The following SLC8A1 variants were observed in gnomAD, a reference collection of about 807,000 sequenced individuals.
The protein encoded by SLC8A1 is solute carrier family 8 member A1.
A neutral mutation model predicts 68.3 loss-of-function variants in SLC8A1; 18 were observed. That is an observed-to-expected ratio of 0.26 (90% CI 0.18 to 0.39). The LOEUF (loss-of-function observed/expected upper bound fraction) is 0.39, where lower values mean the gene tolerates loss of function less well. SLC8A1 is among the 10% of genes least tolerant of loss of function. The pLI is 1.00. For synonymous variants in SLC8A1, 475 were observed against 415.5 expected (o/e 1.14, Z -1.74); for missense variants, 985 against 1,156.7 (o/e 0.85, Z 2.15).
At chr2:40,501,336 T>G (rs969761953) in intron 1 of SLC8A1, among the ~76,000 whole-genome samples, 4 of 152,118 alleles carry the variant, frequency 2.6e-5, no homozygotes, top group African/African-American at 9.7e-5. Flanking sequence ...ATTTATGTAC[T>G]CTTTGTAAAA....
At chr2:40,457,567 A>G (rs1703096160) in intron 1 of SLC8A1, among the ~76,000 whole-genome samples, 1 of 152,178 alleles carries the variant, frequency 6.6e-6, no homozygotes, top group South Asian at 2.1e-4. Context: ...TGATTCTGCT[A>G]CTACTGGAAG....
chr2:40,495,331 C>T (rs949567213), intron 1 of SLC8A1, among the ~76,000 whole-genome samples: 5 of 151,982 alleles, frequency 3.3e-5, no homozygotes, highest in Non-Finnish European at 4.4e-5. Flanking sequence ...TTATTAATCT[C>T]TCTATGCCTG....
chr2:40,405,862 G>T (rs1430458411), intron 2 of SLC8A1, among the ~76,000 whole-genome samples: 3 of 152,110 alleles, frequency 2.0e-5, no homozygotes, highest in Non-Finnish European at 4.4e-5. Context: ...CTGAAATCAG[G>T]TTAGTAACTA....
chr2:40,308,750 C>T (rs182177790), intron 2 of SLC8A1, among the ~76,000 whole-genome samples: 188 of 152,188 alleles, frequency 1.2e-3, no homozygotes, highest in African/African-American at 4.3e-3. Flanking sequence ...GTCAGGTAGA[C>T]GCCATGGAGA....
chr2:40,109,070 C>T (rs12619775), exon 8 of SLC8A1: 69,804 of 152,012 alleles, frequency 0.46, 17,622 homozygotes, highest in Middle Eastern at 0.67. Flanking sequence ...TTTAACTAGG[C>T]GTATCTGTCT....
intron 2 of SLC8A1, among the ~76,000 whole-genome samples, chr2:40,289,108 TTCAG>T (rs994723883): frequency 6.6e-6 from 1 of 152,038 alleles, no homozygotes; most frequent in African/African-American, 2.4e-5. Flanking sequence ...TCTTTTTTTT[TTCAG>T]TCAAATGTAT....
At chr2:40,153,859 G>A (rs1444743043) in intron 6 of SLC8A1, among the ~76,000 whole-genome samples, 1 of 152,160 alleles carries the variant, frequency 6.6e-6, no homozygotes, top group African/African-American at 2.4e-5. Context: ...TATTCTTCCT[G>A]GTCCTTCTGC....
At chr2:40,439,663 G>C (rs1224900011) in intron 1 of SLC8A1, among the ~76,000 whole-genome samples, 2 of 152,054 alleles carry the variant, frequency 1.3e-5, no homozygotes, top group Non-Finnish European at 2.9e-5. Context: ...CTTTTTCAGT[G>C]AGTCATTAAG....
intron 2 of SLC8A1, among the ~76,000 whole-genome samples, chr2:40,370,873 C>A (rs78638635): frequency 0.025 from 3,755 of 152,140 alleles, 60 homozygotes; most frequent in Non-Finnish European, 0.037. Flanking sequence ...ACTGGAGACA[C>A]TGAGAAAGTA....
chr2:40,369,623 C>G (rs182589179), intron 2 of SLC8A1, among the ~76,000 whole-genome samples: 1 of 152,148 alleles, frequency 6.6e-6, no homozygotes, highest in East Asian at 1.9e-4. Flanking sequence ...AATGTCCTGT[C>G]CATCTATGTC....
chr2:40,484,434 T>C (rs1000460931), intron 1 of SLC8A1, among the ~76,000 whole-genome samples: 5 of 152,232 alleles, frequency 3.3e-5, no homozygotes, highest in African/African-American at 1.2e-4. Context: ...TCCACTCTTC[T>C]CAGGGATGCT....
At chr2:40,268,562 C>G (rs1460371919) in intron 2 of SLC8A1, among the ~76,000 whole-genome samples, 2 of 152,176 alleles carry the variant, frequency 1.3e-5, no homozygotes, top group African/African-American at 2.4e-5. Context: ...GGATAATTCT[C>G]TATATTCCAC....
Position 40,450,573 on chromosome 2 carries a change from T to C in SLC8A1, c.-25+1331A>G, listed in dbSNP as rs137948764. 5.2e-3 allele frequency among the ~76,000 whole-genome samples: 787 copies of C among 152,332 alleles called. 8 individuals carry two copies. Among genetic ancestry groups the C allele is most frequent in the African/African-American group, 0.017 (709 of 41,580 alleles). On this transcript the variant is annotated intron_variant, in intron 1 of 7. Coordinates refer to ENST00000406785, the Ensembl canonical transcript of SLC8A1. ...ACCTACTCAGCTAGAGGCTCCTCCA[T>C]GATCAGGACGCTTGTACTGTCTTCA...
chr2:40,201,762 A>G (rs1209778819), intron 2 of SLC8A1, among the ~76,000 whole-genome samples: 2 of 151,972 alleles, frequency 1.3e-5, no homozygotes, highest in South Asian at 2.1e-4. Flanking sequence ...TAGCATTTGC[A>G]TGAGTTCTTG....
chr2:40,508,181 A>G (rs996853889), intron 1 of SLC8A1, among the ~76,000 whole-genome samples: 9 of 152,034 alleles, frequency 5.9e-5, no homozygotes, highest in Admixed American at 5.9e-4. Flanking sequence ...GGAATCTAAC[A>G]CATTGCTCAG....
At chr2:40,157,086 C>T (rs2044676390) in intron 6 of SLC8A1, among the ~76,000 whole-genome samples, 1 of 152,088 alleles carries the variant, frequency 6.6e-6, no homozygotes, top group African/African-American at 2.4e-5. Flanking sequence ...AAGAAGTTAA[C>T]CAGTGTGTTT....
At chr2:40,254,774 A>G (rs1483431343) in intron 2 of SLC8A1, 1 of 152,110 alleles carries the variant, frequency 6.6e-6, no homozygotes, top group Non-Finnish European at 1.5e-5. Flanking sequence ...GTTTCTGTTC[A>G]TTTTCACAAG....
chr2:40,131,281 C>T (rs960132205), intron 7 of SLC8A1, among the ~76,000 whole-genome samples: 1 of 152,186 alleles, frequency 6.6e-6, no homozygotes, highest in African/African-American at 2.4e-5. Context: ...TTTATAACCC[C>T]TCAGCACGTA....
At chr2:40,361,439 A>G (rs1198248069) in intron 2 of SLC8A1, among the ~76,000 whole-genome samples, 2 of 150,776 alleles carry the variant, frequency 1.3e-5, no homozygotes, top group Middle Eastern at 3.5e-3. Flanking sequence ...ATTGTTATGC[A>G]CATTAGTAGA....
Sources: gnomAD v4.1 joint callset for allele counts (sites outside exome capture counted in the v4.1 genomes callset) on GRCh38, gnomAD v4.1.1 for gene constraint, MANE v1.5 for transcripts, NCBI Gene and HGNC (gene_info 2026-07-23, HGNC 2026-07-21) for gene names.